Variants in FHL1 observed in about 807,000 individuals in gnomAD.
FHL1 encodes the protein four and a half LIM domains protein 1.
A neutral mutation model predicts 20.3 loss-of-function variants in FHL1; 1 was observed. The ratio of observed to expected loss-of-function variants is 0.05; its 90% CI spans 0.02 to 0.23. The LOEUF (loss-of-function observed/expected upper bound fraction) is 0.23. FHL1 is among the 10% of genes least tolerant of loss of function. FHL1 has a pLI of 1.00. For missense variants in FHL1, 177 were observed against 234.0 expected (o/e 0.76, Z 1.59); for synonymous variants, 82 against 88.9 (o/e 0.92, Z 0.44).
At chrX:136,186,871 T>TAGATAG (rs2073309797) in intron 2 of FHL1, among the ~76,000 whole-genome samples, 1 of 58,897 alleles carries the variant, frequency 1.7e-5, no homozygotes, top group African/African-American at 6.0e-5. Flanking sequence ...AAAAAATATA[T>TAGATAG]ATATATATAT....
At chrX:136,163,351 G>T (rs2072626094) in intron 1 of FHL1, among the ~76,000 whole-genome samples, 1 of 112,315 alleles carries the variant, frequency 8.9e-6, no homozygotes, top group African/African-American at 3.2e-5. Context: ...AAAGCCAGAG[G>T]CTTGAATTTC....
chrX:136,174,766 G>A (rs892936021), intron 2 of FHL1, among the ~76,000 whole-genome samples: 1 of 111,123 alleles, frequency 9.0e-6, no homozygotes, highest in Admixed American at 9.6e-5. Context: ...TTTAAATTAA[G>A]TGCTTCTGGT....
At position 136,170,112 on chromosome X, in the gene FHL1, A is replaced by G. The variant is rs975719066; in HGVS notation, c.-27+132A>G. The G allele has an allele frequency of 1.8e-4, 49 of 272,119 alleles. No individual in the cohort carries two copies. In the Admixed American group the frequency reaches 2.2e-3, roughly 12 times the overall value. The allele number at this position is 272,119 out of a possible 1,213,427, so 22.4% of individuals were successfully genotyped here. ...CAGAAGGTTCATTTTAATTGACTCA[A>G]CCAATGTCACTGCTTACCCTAAATA... On this transcript the variant is annotated intron_variant, in intron 2 of 6. Coordinates refer to the FHL1 transcript ENST00000394153.
At chrX:136,167,470 GC>G (rs1455994723), upstream of FHL1, among the ~76,000 whole-genome samples, 1 of 111,022 alleles carries the variant, frequency 9.0e-6, no homozygotes, top group Non-Finnish European at 1.9e-5. Context: ...CTCCCAAAGT[GC>G]TGGGATTACA....
chrX:136,151,653 C>T (rs1183424986), intron 1 of FHL1, among the ~76,000 whole-genome samples: 1 of 112,001 alleles, frequency 8.9e-6, no homozygotes, highest in Non-Finnish European at 1.9e-5. Context: ...GCGGAGGTTG[C>T]TGTGAGCTGA....
chrX:136,207,343 G>A, intron 3 of FHL1, 153 bp downstream of exon 3: 2 of 513,018 alleles, frequency 3.9e-6, no homozygotes, highest in Non-Finnish European at 6.4e-6. Context: ...GTATATATGC[G>A]TACACATATA....
Position 136,210,913 on chromosome X carries a change from T to A in FHL1, c.*888T>A, listed in dbSNP as rs2073996177. 1 of 384,220 alleles carries A rather than the reference T, an allele frequency of 2.6e-6. No homozygotes were observed. The highest frequency in any genetic ancestry group is 4.9e-6 in the Non-Finnish European group (1 of 203,594). 31.7% of individuals were successfully genotyped at this position (384,220 alleles called of 1,213,427 possible). Reference sequence around the variant, plus strand: ...CTCAGATGTTCCTGCAGTGCTGAAATTCATCCTACGGAAGTAACCGCAAAA... The same window carrying A: ...CTCAGATGTTCCTGCAGTGCTGAAAATCATCCTACGGAAGTAACCGCAAAA... On this transcript the variant is annotated 3_prime_UTR_variant, in exon 6 of 6. Transcript: ENST00000370683.
intron 2 of FHL1, among the ~76,000 whole-genome samples, chrX:136,176,187 G>T (rs1181310970): frequency 1.8e-5 from 2 of 112,281 alleles, no homozygotes; most frequent in Non-Finnish European, 3.8e-5. Context: ...GGCAGGGAAT[G>T]AATTTTCATG....
At chrX:136,151,840 C>T (rs1471559102) in intron 1 of FHL1, among the ~76,000 whole-genome samples, 1 of 112,313 alleles carries the variant, frequency 8.9e-6, no homozygotes, top group East Asian at 2.8e-4. Flanking sequence ...TATATATTCT[C>T]TTCATTTTAT....
chrX:136,154,303 G>A (rs950029681), intron 1 of FHL1, among the ~76,000 whole-genome samples: 1 of 112,376 alleles, frequency 8.9e-6, no homozygotes, highest in Non-Finnish European at 1.9e-5. Context: ...AATATGTTCC[G>A]AACAGCTGTG....
upstream of FHL1, among the ~76,000 whole-genome samples, chrX:136,194,957 G>A (rs2073520094): frequency 9.0e-6 from 1 of 111,626 alleles, no homozygotes; most frequent in African/African-American, 3.3e-5. Flanking sequence ...CCTGGTTGAT[G>A]CAAATGGAAG....
chrX:136,194,569 A>C (rs890912967), upstream of FHL1, among the ~76,000 whole-genome samples: 2 of 111,875 alleles, frequency 1.8e-5, no homozygotes, highest in Middle Eastern at 4.6e-3. Context: ...ACCATCATAC[A>C]CCAAAGAGAG....
chrX:136,211,152 A>C lies in FHL1; in HGVS notation c.*1127A>C, dbSNP rs367747784. 21 of 370,909 alleles carry C rather than the reference A, an allele frequency of 5.7e-5. No individual in the cohort carries two copies. The highest frequency in any genetic ancestry group is 5.3e-4 in the African/African-American group (21 of 39,783). The allele number at this position is 370,909 out of a possible 1,213,427, so 30.6% of individuals were successfully genotyped here. ...ACCTACCGCTTACCTGAAATGCAGG[A>C]TCACCTACTTACTGTATTCTACATT... On this transcript the variant is annotated 3_prime_UTR_variant, in exon 6 of 6. Transcript: ENST00000370683.
Position 136,183,888 on chromosome X carries a change from G to A in FHL1, c.-27+13908G>A, listed in dbSNP as rs138437882. 7.5e-3 allele frequency among the ~76,000 whole-genome samples: 840 copies of A among 111,434 alleles called. 7 individuals carry two copies. Among genetic ancestry groups the A allele is most frequent in the African/African-American group, 0.025 (782 of 30,699 alleles). ...GACACTTAATCTCTTTAATGTCTCA[G>A]TTTATTCATCTTTAACACCTGTATT... On this transcript the variant is annotated intron_variant, in intron 2 of 6. Coordinates refer to the FHL1 transcript ENST00000394153.
At position 136,211,204 on chromosome X, in the gene FHL1, A is replaced by G. The variant is rs2074004914; in HGVS notation, c.*1179A>G. On this transcript the variant is annotated 3_prime_UTR_variant, in exon 6 of 6. Coordinates refer to ENST00000370683, the MANE Select transcript of FHL1 (RefSeq NM_001159699.2). ...TTATATGACATAGTATAATGAGACA[A>G]TATCAAAAGTAAACATGTAATGACA... is the stretch of plus-strand genomic sequence containing the variant. 1 of 363,268 alleles carries G rather than the reference A, an allele frequency of 2.8e-6. No individual in the cohort carries two copies. Among genetic ancestry groups the G allele is most frequent in the Non-Finnish European group, 5.3e-6 (1 of 190,237 alleles). The allele number at this position is 363,268 out of a possible 1,213,427, so 29.9% of individuals were successfully genotyped here.
At chrX:136,172,486 A>G (rs763073839) in intron 2 of FHL1, among the ~76,000 whole-genome samples, 1 of 112,363 alleles carries the variant, frequency 8.9e-6, no homozygotes, top group East Asian at 2.8e-4. Context: ...GCAGGGGTAC[A>G]GTTCCAAGTC....
chrX:136,175,452 T>C (rs1356988955), intron 2 of FHL1, among the ~76,000 whole-genome samples: 1 of 112,352 alleles, frequency 8.9e-6, no homozygotes, highest in Non-Finnish European at 1.9e-5. Context: ...TTTAATCTAG[T>C]AATCATACTT....
At chrX:136,189,126 G>A (rs1224714597) in intron 2 of FHL1, among the ~76,000 whole-genome samples, 1 of 111,926 alleles carries the variant, frequency 8.9e-6, no homozygotes, top group African/African-American at 3.2e-5. Flanking sequence ...AAAGTTTATT[G>A]ACTCTAGCCA....
intron 1 of FHL1, among the ~76,000 whole-genome samples, chrX:136,157,778 C>T (rs770269354): frequency 1.8e-5 from 2 of 111,817 alleles, no homozygotes; most frequent in Non-Finnish European, 3.8e-5. Context: ...TAAAATAATA[C>T]TACAGAGAAA....
Sources: gnomAD v4.1 joint callset for allele counts (sites outside exome capture counted in the v4.1 genomes callset) on GRCh38, gnomAD v4.1.1 for gene constraint, MANE v1.5 for transcripts, NCBI Gene and HGNC (gene_info 2026-07-23, HGNC 2026-07-21) for gene names.